Variants in KMO observed in about 807,000 individuals in gnomAD.
KMO encodes the protein kynurenine 3-hydroxylase.
Under a neutral mutation model 57.8 loss-of-function variants are expected in KMO, and 24 were observed. That is an observed-to-expected ratio of 0.42 (90% CI 0.30 to 0.58). KMO has a LOEUF of 0.58. Ranked by LOEUF, KMO falls within the 20% of genes least tolerant of loss-of-function variation. The pLI, the probability that KMO is intolerant of heterozygous loss-of-function variation, is 0.22. For synonymous variants in KMO, 210 were observed against 193.6 expected (o/e 1.08, Z -0.70); for missense variants, 483 against 588.2 (o/e 0.82, Z 1.85).
chr1:241,556,585 G>A (rs1661633041), intron 5 of KMO, among the ~76,000 whole-genome samples: 1 of 152,182 alleles, frequency 6.6e-6, no homozygotes, highest in Non-Finnish European at 1.5e-5. Flanking sequence ...GACACAATTA[G>A]ATTTGCCTTT....
chr1:241,575,348 G>A (rs533781531), intron 10 of KMO, among the ~76,000 whole-genome samples: 8 of 152,096 alleles, frequency 5.3e-5, no homozygotes, highest in South Asian at 2.1e-4. Context: ...TCCTTGAGGT[G>A]TCACATGATG....
At chr1:241,548,729 G>C (rs1661250421) in intron 1 of KMO, 100 bp from the exon 2 acceptor site, 3 of 668,922 alleles carry the variant, frequency 4.5e-6, no homozygotes, top group Non-Finnish European at 7.8e-6. Flanking sequence ...CACAATGTGA[G>C]GCTAGTAAAA....
At chr1:241,589,792 C>T (rs919999499) in intron 12 of KMO, among the ~76,000 whole-genome samples, 1 of 152,184 alleles carries the variant, frequency 6.6e-6, no homozygotes, top group Admixed American at 6.5e-5. Flanking sequence ...AAATAAACTT[C>T]CCTAGCAGGT....
chr1:241,574,887 T>C lies in KMO; in HGVS notation c.957+6240T>C, dbSNP rs140563177. Reference sequence around the variant, plus strand: ...GGTAAAATGCAACTGTGAGTCCTTCTGGTCCTGGGCTTTTATTTTTTGTTG... The same window carrying C: ...GGTAAAATGCAACTGTGAGTCCTTCCGGTCCTGGGCTTTTATTTTTTGTTG... On this transcript the variant is annotated intron_variant, in intron 10 of 14. Transcript: ENST00000366559. 2.2e-3 allele frequency among the ~76,000 whole-genome samples: 329 copies of C among 152,218 alleles called. 1 individual carries two copies. The highest frequency in any genetic ancestry group is 7.3e-3 in the African/African-American group (305 of 41,574).
rs1663393746 is a variant in KMO, at chr1:241,593,490, T to C, written c.*1337T>C. 2 of 312,746 alleles carry C rather than the reference T, an allele frequency of 6.4e-6. No individual in the cohort carries two copies. Among genetic ancestry groups the C allele is most frequent in the Non-Finnish European group, 7.4e-6 (1 of 134,470 alleles). 19.4% of individuals were successfully genotyped at this position (312,746 alleles called of 1,614,324 possible). On this transcript the variant is annotated 3_prime_UTR_variant, in exon 15 of 15. Coordinates refer to ENST00000366559, the MANE Select transcript of KMO (RefSeq NM_003679.5). The stretch of plus-strand genomic sequence containing the variant: ...CAGTGTTTCTTTTCTATATTGTCAA[T>C]GAAAACCTTGAGTTCTAATAATCCA...
intron 4 of KMO, among the ~76,000 whole-genome samples, chr1:241,552,498 C>T (rs747233142): frequency 6.6e-6 from 1 of 152,164 alleles, no homozygotes; most frequent in Non-Finnish European, 1.5e-5. Context: ...TCCCATGACT[C>T]CGGGATTTCT....
intron 4 of KMO, among the ~76,000 whole-genome samples, chr1:241,552,520 G>T (rs948924805): frequency 6.6e-6 from 1 of 152,022 alleles, no homozygotes; most frequent in Non-Finnish European, 1.5e-5. Flanking sequence ...CACATCCCCG[G>T]GAGCCCACCT....
At chr1:241,532,527 T>A (rs761185576) in intron 1 of KMO, 29 bp downstream of exon 1, 3 of 1,525,736 alleles carry the variant, frequency 2.0e-6, no homozygotes, top group Non-Finnish European at 2.7e-6. Context: ...ATTACTATTG[T>A]TGGTGGTATT....
chr1:241,593,417 A>C lies in KMO; in HGVS notation c.*1264A>C, dbSNP rs1036345853. On this transcript the variant is annotated 3_prime_UTR_variant, in exon 15 of 15. Transcript: ENST00000366559. The stretch of plus-strand genomic sequence containing the variant: ...ACATGATTAATTATGAAGATGAAAC[A>C]CTAGAGTCATATAAGAAATAAAAAT... 5.4e-5 allele frequency: 22 copies of C among 408,814 alleles called. No homozygotes were observed. Among genetic ancestry groups the C allele is most frequent in the Non-Finnish European group, 1.2e-4 (21 of 182,542 alleles). 25.3% of individuals were successfully genotyped at this position (408,814 alleles called of 1,614,324 possible). A position where few individuals can be genotyped will look rare whatever the true frequency, so the allele number is the denominator to read the frequency against.
chr1:241,564,930 G>T, intron 7 of KMO, 57 bp from the exon 8 acceptor site: 1 of 1,101,938 alleles, frequency 9.1e-7, no homozygotes, highest in Non-Finnish European at 1.4e-6. Context: ...AGCTGAGTCC[G>T]TTTTATAGGT....
intron 1 of KMO, among the ~76,000 whole-genome samples, chr1:241,542,029 A>G (rs1660976823): frequency 6.6e-6 from 1 of 152,226 alleles, no homozygotes. Flanking sequence ...ATATCAAAAG[A>G]CATAAAATGT....
intron 1 of KMO, among the ~76,000 whole-genome samples, chr1:241,547,418 T>C (rs1382212388): frequency 6.6e-6 from 1 of 151,218 alleles, no homozygotes; most frequent in African/African-American, 2.4e-5. Context: ...TATGAACAAC[T>C]AAACAAAAGA....
At chr1:241,576,360 G>A (rs1662519814) in intron 10 of KMO, among the ~76,000 whole-genome samples, 1 of 152,026 alleles carries the variant, frequency 6.6e-6, no homozygotes, top group Admixed American at 6.6e-5. Flanking sequence ...TAGGCTCTGT[G>A]AGTTTTACAT....
At chr1:241,576,403 C>A (rs149241228) in intron 10 of KMO, among the ~76,000 whole-genome samples, 6 of 152,184 alleles carry the variant, frequency 3.9e-5, no homozygotes, top group African/African-American at 1.4e-4. Flanking sequence ...GCATATCAAC[C>A]TTTTGTTTCA....
rs1303724930 is a variant in KMO at position 241,594,392 on chromosome 1, A to G, written c.*2239A>G. On this transcript the variant is annotated 3_prime_UTR_variant, in exon 15 of 15. Transcript: ENST00000366559. ...GATGAAAGTCCAAAAGTGGCATCCA[A>G]TTTAAGGCCCCATCTTTCGTTGCCA... The G allele has an allele frequency of 1.9e-6, 3 of 1,595,004 alleles. No homozygotes were observed. The highest frequency in any genetic ancestry group is 1.7e-5 in the Admixed American group (1 of 59,016).
intron 1 of KMO, among the ~76,000 whole-genome samples, chr1:241,533,338 C>T (rs1441714982): frequency 6.6e-6 from 1 of 152,196 alleles, no homozygotes; most frequent in Admixed American, 6.5e-5. Flanking sequence ...TATATCCACT[C>T]AACAAAAAAT....
chr1:241,537,232 C>T (rs1660783467), intron 1 of KMO, among the ~76,000 whole-genome samples: 1 of 152,118 alleles, frequency 6.6e-6, no homozygotes, highest in African/African-American at 2.4e-5. Flanking sequence ...CTTTCTCGCT[C>T]ACAGATCTCT....
intron 1 of KMO, among the ~76,000 whole-genome samples, chr1:241,537,359 C>G (rs1341734932): frequency 1.3e-5 from 2 of 152,020 alleles, no homozygotes; most frequent in Non-Finnish European, 2.9e-5. Context: ...GCTTATAATC[C>G]TGGGTTGAGG....
intron 3 of KMO, among the ~76,000 whole-genome samples, chr1:241,550,623 G>C (rs1661359539): frequency 6.6e-6 from 1 of 151,980 alleles, no homozygotes; most frequent in Non-Finnish European, 1.5e-5. Flanking sequence ...AGGAACCCTG[G>C]GTTTTACTCC....
Sources: allele counts gnomAD v4.1 joint callset (sites outside exome capture counted in the v4.1 genomes callset), GRCh38; gene constraint gnomAD v4.1.1; transcripts MANE v1.5; gene names NCBI Gene and HGNC (gene_info 2026-07-23, HGNC 2026-07-21).